The following LINGO2 variants were observed in gnomAD, a reference collection of about 807,000 sequenced individuals.
LINGO2 encodes the protein leucine-rich repeat and immunoglobulin-like domain-containing nogo receptor-interacting protein 2.
In LINGO2, 14 loss-of-function variants were observed where a neutral mutation model predicts 30.6. The observed-to-expected ratio is 0.46, with a 90% CI of 0.30 to 0.72. The LOEUF is 0.72. Among genes scored for constraint, LINGO2 ranks in the 30% least tolerant of loss-of-function variants. The pLI is 0.07. For synonymous variants in LINGO2, 317 were observed against 288.5 expected, an observed-to-expected ratio of 1.10 and a Z score of -1.00; for missense variants, 729 against 751.7, an observed-to-expected ratio of 0.97 and a Z score of 0.35.
the LINGO2 span, among the ~76,000 whole-genome samples, chr9:29,133,194 C>A: frequency 6.6e-6 from 1 of 152,064 alleles, no homozygotes; most frequent in African/African-American, 2.4e-5. Context: ...AATAAAGACA[C>A]AATACTGGTC....
At chr9:28,945,140 G>A in the LINGO2 span, among the ~76,000 whole-genome samples, 2 of 152,148 alleles carry the variant, frequency 1.3e-5, no homozygotes, top group Non-Finnish European at 2.9e-5. Context: ...TTGGTACCAA[G>A]ATTGGCCCTA....
intron 1 of LINGO2, among the ~76,000 whole-genome samples, chr9:28,667,581 T>C (rs1371390582): frequency 6.6e-6 from 1 of 151,930 alleles, no homozygotes; most frequent in African/African-American, 2.4e-5. Flanking sequence ...ACATCTCCAC[T>C]AAAAATTCAA....
chr9:29,186,769 C>A, the LINGO2 span, among the ~76,000 whole-genome samples: 2 of 151,870 alleles, frequency 1.3e-5, no homozygotes, highest in African/African-American at 4.8e-5. Context: ...TCACCACTTT[C>A]TAGGCAATGC....
At chr9:28,880,575 G>A in the LINGO2 span, among the ~76,000 whole-genome samples, 4 of 152,268 alleles carry the variant, frequency 2.6e-5, no homozygotes, top group East Asian at 7.7e-4. Context: ...TTCTCCCCAT[G>A]TGATAGTCTG....
chr9:28,654,711 T>A (rs1050575330), intron 1 of LINGO2, among the ~76,000 whole-genome samples: 1 of 152,068 alleles, frequency 6.6e-6, no homozygotes, highest in East Asian at 1.9e-4. Flanking sequence ...CAATGCAAAA[T>A]AGTTACAAGT....
the LINGO2 span, among the ~76,000 whole-genome samples, chr9:28,942,872 T>C: frequency 6.6e-6 from 1 of 152,152 alleles, no homozygotes; most frequent in Non-Finnish European, 1.5e-5. Flanking sequence ...AAATAAATGT[T>C]TGTTGAGTTG....
intron 4 of LINGO2, among the ~76,000 whole-genome samples, chr9:28,172,734 A>AT (rs555722640): frequency 2.4e-4 from 36 of 149,804 alleles, no homozygotes; most frequent in East Asian, 1.4e-3. Context: ...AATTTTCTCA[A>AT]TTTTTTTTTT....
intron 4 of LINGO2, among the ~76,000 whole-genome samples, chr9:28,283,425 G>A (rs1167057467): frequency 2.6e-5 from 4 of 152,140 alleles, no homozygotes; most frequent in Non-Finnish European, 5.9e-5. Context: ...TAAGTCCTAA[G>A]CTGCTTTCAA....
At chr9:28,202,183 C>T (rs1241231955) in intron 4 of LINGO2, among the ~76,000 whole-genome samples, 2 of 152,082 alleles carry the variant, frequency 1.3e-5, no homozygotes, top group African/African-American at 4.8e-5. Flanking sequence ...TTTTAGCTTA[C>T]CTAATTACAT....
At chr9:28,506,079 ATAT>A in intron 1 of LINGO2, among the ~76,000 whole-genome samples, 1 of 151,854 alleles carries the variant, frequency 6.6e-6, no homozygotes, top group African/African-American at 2.4e-5. Flanking sequence ...GTAGTAATTT[ATAT>A]TGTTATTATA....
At chr9:28,018,171 C>G (rs948559607) in intron 4 of LINGO2, among the ~76,000 whole-genome samples, 6 of 152,128 alleles carry the variant, frequency 3.9e-5, no homozygotes, top group Non-Finnish European at 8.8e-5. Context: ...AAAATTGAAA[C>G]TGGACCCCTT....
chr9:28,232,126 C>CGGT (rs1243092605), intron 4 of LINGO2, among the ~76,000 whole-genome samples: 4 of 151,966 alleles, frequency 2.6e-5, no homozygotes, highest in Admixed American at 6.6e-5. Context: ...AGGCTGGGCA[C>CGGT]GGTGGCTCAT....
the LINGO2 span, among the ~76,000 whole-genome samples, chr9:28,741,563 G>A: frequency 6.6e-6 from 1 of 152,008 alleles, no homozygotes; most frequent in Non-Finnish European, 1.5e-5. Flanking sequence ...TGAAGCCTGA[G>A]GTTGTGGGGG....
the LINGO2 span, among the ~76,000 whole-genome samples, chr9:29,022,453 T>G: frequency 6.6e-6 from 1 of 152,188 alleles, no homozygotes. Flanking sequence ...ACTGAGGGGC[T>G]GAGTTTTTAT....
chr9:28,764,453 A>G, the LINGO2 span, among the ~76,000 whole-genome samples: 2 of 151,962 alleles, frequency 1.3e-5, no homozygotes, highest in African/African-American at 2.4e-5. Flanking sequence ...AAAGTTTAAC[A>G]TCCTTTCATG....
chr9:28,472,967 A>C (rs917775734), intron 2 of LINGO2, among the ~76,000 whole-genome samples: 2 of 152,186 alleles, frequency 1.3e-5, no homozygotes, highest in Non-Finnish European at 2.9e-5. Flanking sequence ...GATGGAAAAC[A>C]ATTTTCTAAA....
At chr9:28,169,070 C>T (rs1420200322) in intron 4 of LINGO2, among the ~76,000 whole-genome samples, 2 of 152,198 alleles carry the variant, frequency 1.3e-5, no homozygotes, top group Non-Finnish European at 2.9e-5. Flanking sequence ...GGCACACACA[C>T]ACAAAAGCCA....
chr9:28,263,287 T>G (rs1193711963), intron 4 of LINGO2, among the ~76,000 whole-genome samples: 2 of 152,048 alleles, frequency 1.3e-5, no homozygotes, highest in African/African-American at 4.8e-5. Context: ...CAAATGATTT[T>G]AATTCATCTT....
chr9:28,123,331 T>C (rs1027158216), intron 4 of LINGO2, among the ~76,000 whole-genome samples: 1 of 152,226 alleles, frequency 6.6e-6, no homozygotes, highest in Admixed American at 6.5e-5. Context: ...TTAGATTTAC[T>C]TGGCTATGTG....
Sources: gnomAD v4.1 joint callset for allele counts (sites outside exome capture counted in the v4.1 genomes callset) on GRCh38, gnomAD v4.1.1 for gene constraint, MANE v1.5 for transcripts, NCBI Gene and HGNC (gene_info 2026-07-23, HGNC 2026-07-21) for gene names.